The following FREM1 variants were observed in gnomAD, a reference collection of about 807,000 sequenced individuals.
FREM1 encodes FRAS1 related extracellular matrix 1.
FREM1 carries 220 observed loss-of-function variants against 210.1 expected under a neutral mutation model. The ratio of observed to expected loss-of-function variants is 1.05; its 90% confidence interval spans 0.94 to 1.17. FREM1 has a LOEUF of 1.17. Ranked by LOEUF, FREM1 falls within the 50% of genes most tolerant of loss-of-function variation. The probability of loss-of-function intolerance (pLI) is 0.00; values close to 1 mark genes in which losing one functional copy is unlikely to be tolerated. For missense variants in FREM1, 3,454 were observed against 2,675.5 expected, an observed-to-expected ratio of 1.29 and a Z score of -6.42; for synonymous variants, 1,189 against 980.2, an observed-to-expected ratio of 1.21 and a Z score of -3.98.
At chr9:14,876,322 G>C (rs1424177700) in intron 1 of FREM1, among the ~76,000 whole-genome samples, 1 of 152,286 alleles carries the variant, frequency 6.6e-6, no homozygotes, top group Non-Finnish European at 1.5e-5. Context: ...GAGCTGTGGT[G>C]GGCTCCACGC....
chr9:14,894,416 G>T (rs1478300130), intron 1 of FREM1, among the ~76,000 whole-genome samples: 5 of 152,152 alleles, frequency 3.3e-5, no homozygotes, highest in Admixed American at 6.5e-5. Flanking sequence ...CTCTTCAAAA[G>T]GTAGCTTATA....
intron 34 of FREM1, 76 bp downstream of exon 34, chr9:14,746,846 CA>C: frequency 6.7e-7 from 1 of 1,488,952 alleles, no homozygotes; most frequent in African/African-American, 1.4e-5. Flanking sequence ...AGTCATGCAC[CA>C]GATGGTTCCC....
chr9:14,801,133 G>A (rs1168040425), intron 20 of FREM1, among the ~76,000 whole-genome samples: 3 of 152,140 alleles, frequency 2.0e-5, no homozygotes, highest in Admixed American at 2.0e-4. Flanking sequence ...GAGTAGCTGG[G>A]ATTACAGAAG....
intron 23 of FREM1, among the ~76,000 whole-genome samples, chr9:14,787,100 G>C (rs1412991461): frequency 6.6e-6 from 1 of 152,218 alleles, no homozygotes; most frequent in Non-Finnish European, 1.5e-5. Flanking sequence ...CAACACAGCA[G>C]TTGGGAAGCT....
chr9:14,769,426 T>C (rs1171461794), intron 27 of FREM1, among the ~76,000 whole-genome samples: 1 of 152,190 alleles, frequency 6.6e-6, no homozygotes, highest in Non-Finnish European at 1.5e-5. Context: ...TGTTGGATGC[T>C]AGTGAATTGG....
rs71323913 is a variant in FREM1, at chr9:14,882,912, C to CAAAAAAAAAAAAAAAAAAAAAAAAA, written c.-267-13669_-267-13668insTTTTTTTTTTTTTTTTTTTTTTTTT. On this transcript the variant is annotated intron_variant, in intron 1 of 36. Coordinates refer to ENST00000380880, the MANE Select transcript of FREM1 (RefSeq NM_001379081.2). ...AGGGCAGCAGAGCGAGACTCCATCT[C>CAAAAAAAAAAAAAAAAAAAAAAAAA]AAAAAAAAAAAAAAAAGGAATCACC... is the stretch of plus-strand genomic sequence containing the variant. Among the ~76,000 whole-genome samples the CAAAAAAAAAAAAAAAAAAAAAAAAA allele has an allele frequency of 1.3e-4, 6 of 45,418 alleles. 2 individuals are homozygous for CAAAAAAAAAAAAAAAAAAAAAAAAA. The highest frequency in any genetic ancestry group is 4.6e-4 in the African/African-American group (5 of 10,780). 29.8% of individuals were successfully genotyped at this position (45,418 alleles called of 152,430 possible).
Position 14,869,350 on chromosome 9 carries a change from G to A in FREM1, c.-267-106C>T, listed in dbSNP as rs569281718. The A allele has an allele frequency of 2.7e-5, 5 of 188,010 alleles. No homozygotes were observed. The South Asian group carries it at 7.5e-4, about 28-fold the overall frequency. The allele number at this position is 188,010 out of a possible 1,614,324, so 11.6% of individuals were successfully genotyped here. On this transcript the variant is annotated intron_variant, in intron 1 of 36. Coordinates refer to ENST00000380880, the MANE Select transcript of FREM1 (RefSeq NM_001379081.2). The stretch of plus-strand genomic sequence containing the variant: ...CAAAGGGATCTTTCAACCAGCCTAT[G>A]AGTTCAGCTAAATTAAAAACAAATA...
In FREM1 at chr9:14,737,194, C is replaced by G. The variant is rs376485630; in HGVS notation, c.*202G>C. The G allele has an allele frequency of 1.8e-3, 884 of 499,448 alleles. 1 individual carries two copies. Among genetic ancestry groups the G allele is most frequent in the Non-Finnish European group, 2.8e-3 (791 of 285,782 alleles). The allele number at this position is 499,448 out of a possible 1,614,324, so 30.9% of individuals were successfully genotyped here. On this transcript the variant is annotated 3_prime_UTR_variant, in exon 37 of 37. Transcript: ENST00000380880. ...ATTTATTTTAAAAGGTATTGAGATACAAAAATTGTATCTTATCTTGTAAAA... is the reference window on the plus strand; with the variant it reads ...ATTTATTTTAAAAGGTATTGAGATAGAAAAATTGTATCTTATCTTGTAAAA...
chr9:14,846,521 T>C (rs1251464413), intron 7 of FREM1, among the ~76,000 whole-genome samples: 2 of 152,040 alleles, frequency 1.3e-5, no homozygotes, highest in Non-Finnish European at 2.9e-5. Flanking sequence ...AGAACTTAAA[T>C]TTTTTAAAAA....
intron 17 of FREM1, among the ~76,000 whole-genome samples, chr9:14,807,060 A>C (rs1406615248): frequency 3.9e-5 from 6 of 152,146 alleles, no homozygotes; most frequent in African/African-American, 1.4e-4. Flanking sequence ...ATGGAATTAT[A>C]TTTTTTTCTT....
intron 10 of FREM1, among the ~76,000 whole-genome samples, chr9:14,829,698 A>G (rs1823177862): frequency 6.6e-6 from 1 of 152,184 alleles, no homozygotes. Flanking sequence ...TGAGCCAAAT[A>G]AATTTCTATT....
intron 19 of FREM1, among the ~76,000 whole-genome samples, chr9:14,804,225 G>GC (rs1817914302): frequency 6.6e-6 from 1 of 152,168 alleles, no homozygotes; most frequent in African/African-American, 2.4e-5. Flanking sequence ...AAGTCTGCTT[G>GC]CCCGTAACAC....
At position 14,812,989 on chromosome 9, in the gene FREM1, C is replaced by G. The variant is rs1203692813; in HGVS notation, c.2716G>C (p.Glu906Gln). 1.2e-6 allele frequency: 2 copies of G among 1,613,948 alleles called. No homozygotes were observed. The highest frequency in any genetic ancestry group is 2.2e-5 in the East Asian group (1 of 44,878). The change falls in exon 16 of 37, where the codon GAG becomes CAG. Residue 906 changes from glutamate to glutamine, a missense_variant. Glu to Gln is a conservative substitution (Grantham distance 29). Transcript: ENST00000380880. ...ATGTATTCAGAGGTGATGACCACCT[C>G]TCCTCCCTCTGAGCAATTCATGACA... ...MPVMNCSEGG[E>Q]VVITSEYIFA...
chr9:14,810,365 C>T (rs1190796951), intron 16 of FREM1, among the ~76,000 whole-genome samples: 1 of 152,080 alleles, frequency 6.6e-6, no homozygotes, highest in African/African-American at 2.4e-5. Flanking sequence ...AAAAAGCCTA[C>T]AACATAGGTA....
At chr9:14,779,412 G>A (rs889386234) in intron 24 of FREM1, 40 of 783,928 alleles carry the variant, frequency 5.1e-5, no homozygotes, top group Non-Finnish European at 5.9e-5. Flanking sequence ...GAAGGAAGAA[G>A]AAAGAAGGGG....
intron 16 of FREM1, among the ~76,000 whole-genome samples, chr9:14,809,698 T>C (rs1819041591): frequency 6.6e-6 from 1 of 152,200 alleles, no homozygotes; most frequent in Non-Finnish European, 1.5e-5. Context: ...TAAATATTTA[T>C]TCAACACCTA....
chr9:14,864,857 G>A (rs1265830116), intron 2 of FREM1, among the ~76,000 whole-genome samples: 3 of 152,152 alleles, frequency 2.0e-5, no homozygotes, highest in Non-Finnish European at 4.4e-5. Flanking sequence ...TTTTCCCGCA[G>A]ATATCATTGA....
chr9:14,780,275 T>G (rs2132753353), intron 24 of FREM1, among the ~76,000 whole-genome samples: 1 of 152,066 alleles, frequency 6.6e-6, no homozygotes, highest in South Asian at 2.1e-4. Flanking sequence ...GGAATAACTC[T>G]CAGATTTGAC....
chr9:14,739,453 TATATATATATATATATATATATA>T (rs1841046674), intron 36 of FREM1, among the ~76,000 whole-genome samples: 1 of 16,298 alleles, frequency 6.1e-5, no homozygotes, highest in Non-Finnish European at 1.2e-4. Flanking sequence ...ATTTGGAATA[TATATATATATATATATATATATA>T]ATTCATATAT....
Sources: allele counts gnomAD v4.1 joint callset (sites outside exome capture counted in the v4.1 genomes callset), GRCh38; gene constraint gnomAD v4.1.1; transcripts MANE v1.5; gene names NCBI Gene and HGNC (gene_info 2026-07-23, HGNC 2026-07-21).